The following PHEX variants were observed in gnomAD, a reference collection of about 807,000 sequenced individuals.
The protein encoded by PHEX is phosphate regulating endopeptidase X-linked.
In PHEX, 16 loss-of-function variants were observed where a neutral mutation model predicts 68.0. That is an observed-to-expected ratio of 0.24 (90% CI 0.16 to 0.36). PHEX has a LOEUF of 0.36. Among genes scored for constraint, PHEX ranks in the 10% least tolerant of loss-of-function variants. PHEX has a pLI of 1.00. For synonymous variants in PHEX, 208 were observed against 205.1 expected (o/e 1.01, Z -0.12); for missense variants, 480 against 575.5 (o/e 0.83, Z 1.70).
chrX:22,071,233 C>T (rs756171435), intron 3 of PHEX, among the ~76,000 whole-genome samples: 1 of 110,796 alleles, frequency 9.0e-6, no homozygotes, highest in East Asian at 2.8e-4. Context: ...AAAGCTGAGA[C>T]AATTGATGAA....
At chrX:22,135,053 A>C (rs1349798817) in intron 12 of PHEX, among the ~76,000 whole-genome samples, 2 of 112,405 alleles carry the variant, frequency 1.8e-5, no homozygotes, top group Admixed American at 9.4e-5. Flanking sequence ...ATGGATAAAC[A>C]TTGCCATAGA....
chrX:22,077,382 T>C (rs1929195488), intron 4 of PHEX, 94 bp from the exon 5 acceptor site: 3 of 766,765 alleles, frequency 3.9e-6, no homozygotes, highest in Non-Finnish European at 6.1e-6. Context: ...GTTGGAGCAT[T>C]ATGGGAATTT....
intron 2 of PHEX, among the ~76,000 whole-genome samples, chrX:22,044,142 A>C: frequency 9.0e-6 from 1 of 110,703 alleles, no homozygotes. Context: ...CTGCAAGAAT[A>C]CTGGCGAGAT....
Position 22,242,788 on chromosome X carries a change from A to G in PHEX, c.2071-2545A>G, listed in dbSNP as rs1219828712. Among the ~76,000 whole-genome samples the G allele has an allele frequency of 2.7e-5, 3 of 112,145 alleles. No homozygotes were observed. In the East Asian group the frequency reaches 8.4e-4, roughly 31 times the overall value. ...TCAACAAAATAAAAAGAGGACACAAACAAATGGAAGAACATTCCATGCTCA... is the reference window on the plus strand; with the variant it reads ...TCAACAAAATAAAAAGAGGACACAAGCAAATGGAAGAACATTCCATGCTCA... On this transcript the variant is annotated intron_variant, in intron 20 of 21. Transcript: ENST00000379374.
intron 15 of PHEX, among the ~76,000 whole-genome samples, chrX:22,196,332 C>T (rs918644120): frequency 3.6e-5 from 4 of 112,391 alleles, no homozygotes; most frequent in Non-Finnish European, 7.5e-5. Flanking sequence ...GGCTAAGTCT[C>T]TAGATGTGTA....
At chrX:22,213,087 C>T in intron 16 of PHEX, 129 bp downstream of exon 16, 3 of 561,469 alleles carry the variant, frequency 5.3e-6, no homozygotes, top group Non-Finnish European at 9.5e-6. Context: ...CGTGGGTCGC[C>T]TGTACTCTTA....
At chrX:22,232,395 C>T (rs755010543) in intron 20 of PHEX, among the ~76,000 whole-genome samples, 7 of 109,714 alleles carry the variant, frequency 6.4e-5, no homozygotes, top group Admixed American at 2.0e-4. Context: ...ATTATTGTGT[C>T]GGAGTCTAAG....
intron 18 of PHEX, among the ~76,000 whole-genome samples, chrX:22,224,242 C>T (rs766767879): frequency 8.9e-6 from 1 of 111,792 alleles, no homozygotes; most frequent in Admixed American, 9.5e-5. Flanking sequence ...CCCAGCCTCC[C>T]GAAGTGCTGG....
chrX:22,195,299 T>C (rs761842025), intron 15 of PHEX, among the ~76,000 whole-genome samples: 2 of 111,946 alleles, frequency 1.8e-5, no homozygotes, highest in South Asian at 7.5e-4. Context: ...ACTTTTGCCC[T>C]CAAGAGATCT....
At chrX:22,156,622 T>C (rs969916747) in intron 12 of PHEX, among the ~76,000 whole-genome samples, 1 of 110,148 alleles carries the variant, frequency 9.1e-6, no homozygotes, top group Non-Finnish European at 1.9e-5. Context: ...CAAACATAAT[T>C]TATTTTGGCT....
intron 15 of PHEX, among the ~76,000 whole-genome samples, chrX:22,198,690 T>A (rs1470113769): frequency 9.0e-6 from 1 of 110,923 alleles, no homozygotes; most frequent in African/African-American, 3.3e-5. Flanking sequence ...AAGGGAGTGA[T>A]GGGAGATGAT....
rs763522075 is a variant in PHEX at position 22,126,823 on chromosome X, C to G, written c.1303-6700C>G. On this transcript the variant is annotated intron_variant, in intron 11 of 21. Coordinates refer to ENST00000379374, the MANE Select transcript of PHEX (RefSeq NM_000444.6). ...ACTGCCCATAGATCAACCAAATGAA[C>G]TGTATTTTTATAGTGTGGATCCATA... is the stretch of plus-strand genomic sequence containing the variant. 1.1e-4 allele frequency among the ~76,000 whole-genome samples: 11 copies of G among 103,596 alleles called. No homozygotes were observed. The South Asian group carries it at 4.8e-3, about 45-fold the overall frequency. The allele number at this position is 103,596 out of a possible 115,157, so 90.0% of individuals were successfully genotyped here.
chrX:22,128,312 C>G (rs192737045), intron 11 of PHEX, among the ~76,000 whole-genome samples: 2,767 of 110,018 alleles, frequency 0.025, 46 homozygotes, highest in Non-Finnish European at 0.04. Flanking sequence ...ATCCAACCGC[C>G]TCAGCCTCCC....
chrX:22,064,929 C>T (rs1928528809), intron 3 of PHEX, among the ~76,000 whole-genome samples: 2 of 112,077 alleles, frequency 1.8e-5, no homozygotes, highest in South Asian at 3.7e-4. Flanking sequence ...GATTAATAAC[C>T]TACCCATTAA....
chrX:22,085,564 G>A (rs1929593160), intron 5 of PHEX, among the ~76,000 whole-genome samples: 2 of 97,480 alleles, frequency 2.1e-5, no homozygotes, highest in Admixed American at 2.2e-4. Flanking sequence ...AACAAAGCGA[G>A]ACTCCATCTC....
At chrX:22,205,287 T>C (rs1934674134) in intron 15 of PHEX, among the ~76,000 whole-genome samples, 1 of 112,093 alleles carries the variant, frequency 8.9e-6, no homozygotes, top group Non-Finnish European at 1.9e-5. Context: ...CATTTGCCCC[T>C]GGCTCTGTCA....
At chrX:22,164,848 TG>T (rs1933259832) in intron 12 of PHEX, among the ~76,000 whole-genome samples, 1 of 112,242 alleles carries the variant, frequency 8.9e-6, no homozygotes. Context: ...AGTTTGGTGT[TG>T]GGGGTAGAGT....
At chrX:22,241,342 C>T (rs1247206416) in intron 20 of PHEX, among the ~76,000 whole-genome samples, 2 of 111,990 alleles carry the variant, frequency 1.8e-5, no homozygotes, top group African/African-American at 6.5e-5. Context: ...CTAAAATTGA[C>T]ACCCTAACAT....
At chrX:22,240,584 A>AC (rs1458200873) in intron 20 of PHEX, among the ~76,000 whole-genome samples, 4 of 111,243 alleles carry the variant, frequency 3.6e-5, no homozygotes, top group Non-Finnish European at 3.8e-5. Flanking sequence ...AAACAAACAA[A>AC]AAAAAAACAG....
Sources: allele counts gnomAD v4.1 joint callset (sites outside exome capture counted in the v4.1 genomes callset), GRCh38; gene constraint gnomAD v4.1.1; transcripts MANE v1.5; gene names NCBI Gene and HGNC (gene_info 2026-07-23, HGNC 2026-07-21).